APAF1: variants seen among roughly 807,000 people sequenced by gnomAD.
APAF1 encodes apoptotic peptidase activating factor 1, also known as apoptotic protease-activating factor 1.
In APAF1, 91 loss-of-function variants were observed where a neutral mutation model predicts 152.4. The ratio of observed to expected loss-of-function variants is 0.60; its 90% CI spans 0.50 to 0.71. The LOEUF is 0.71. Among genes scored for constraint, APAF1 ranks in the 30% least tolerant of loss-of-function variants. The pLI is 0.00. For missense variants in APAF1, 1,283 were observed against 1,472.0 expected (o/e 0.87, Z 2.10); for synonymous variants, 484 against 494.1 (o/e 0.98, Z 0.27).
intron 7 of APAF1, among the ~76,000 whole-genome samples, chr12:98,663,595 A>G (rs938806679): frequency 2.0e-5 from 3 of 152,084 alleles, no homozygotes; most frequent in East Asian, 1.9e-4. Flanking sequence ...AGTCAAATCT[A>G]TCAACTCTTA....
At chr12:98,707,056 GTCT>G (rs1240943369) in intron 19 of APAF1, among the ~76,000 whole-genome samples, 4 of 151,998 alleles carry the variant, frequency 2.6e-5, no homozygotes, top group Non-Finnish European at 2.9e-5. Flanking sequence ...TCTGCCACAA[GTCT>G]TCTTTCTTGC....
In APAF1 at chr12:98,725,548, G is replaced by T. The variant is rs753009072; in HGVS notation, c.3456+8G>T. The T allele has an allele frequency of 2.5e-6, 4 of 1,614,060 alleles. No homozygotes were observed. The highest frequency in any genetic ancestry group is 1.7e-5 in the Admixed American group (1 of 60,028). ...GACAATGGAGAAATCAGGGTAGGCTGTTTGCTGACATGAGAGCACTGCTCT... is the reference window on the plus strand; with the variant it reads ...GACAATGGAGAAATCAGGGTAGGCTTTTTGCTGACATGAGAGCACTGCTCT... On this transcript the variant is annotated splice_region_variant and intron_variant, in intron 25 of 26. Coordinates refer to ENST00000551964, the MANE Select transcript of APAF1 (RefSeq NM_181861.2).
At chr12:98,657,644 A>T (rs2097659442) in intron 4 of APAF1, among the ~76,000 whole-genome samples, 1 of 152,224 alleles carries the variant, frequency 6.6e-6, no homozygotes, top group East Asian at 1.9e-4. Context: ...ATAGTAGGTT[A>T]AGGTGGGTTG....
chr12:98,688,780 T>C (rs1279430339), intron 16 of APAF1, among the ~76,000 whole-genome samples: 2 of 151,866 alleles, frequency 1.3e-5, no homozygotes, highest in Non-Finnish European at 2.9e-5. Context: ...TTCTTTTTTC[T>C]TTTCTTTTCT....
chr12:98,714,203 A>T (rs1305468050), intron 21 of APAF1, among the ~76,000 whole-genome samples: 1 of 152,188 alleles, frequency 6.6e-6, no homozygotes, highest in African/African-American at 2.4e-5. Flanking sequence ...TTTACCATCT[A>T]TCTTAAAATA....
At chr12:98,702,841 C>CAA (rs201068873) in intron 17 of APAF1, among the ~76,000 whole-genome samples, 162 of 81,108 alleles carry the variant, frequency 2.0e-3, no homozygotes, top group Middle Eastern at 0.018. Context: ...AAGTCTGTCT[C>CAA]AAAAAAAAAA....
chr12:98,657,825 C>G (rs960084888), intron 4 of APAF1, among the ~76,000 whole-genome samples: 2 of 152,096 alleles, frequency 1.3e-5, no homozygotes, highest in Non-Finnish European at 2.9e-5. Context: ...TCCTCATTTT[C>G]AAAATGAAGA....
chr12:98,715,235 CATATATATATATATATATATAT>C lies in APAF1; in HGVS notation c.2959-167_2959-146del, dbSNP rs61430351. ...TTTGCATGTAGGCATACATGGTGTG[CATATATATATATATATATATAT>C]ATATATATATATATATATATATATG... On this transcript the variant is annotated intron_variant, in intron 21 of 26. Coordinates refer to ENST00000551964, the MANE Select transcript of APAF1 (RefSeq NM_181861.2). Among the ~76,000 whole-genome samples, 165 of 54,800 alleles carry C rather than the reference CATATATATATATATATATATAT, an allele frequency of 3.0e-3. 2 individuals carry two copies. Among genetic ancestry groups the C allele is most frequent in the Middle Eastern group, 0.013 (1 of 78 alleles). 36.0% of individuals were successfully genotyped at this position (54,800 alleles called of 152,430 possible).
chr12:98,673,994 T>TTA (rs2097683791), intron 12 of APAF1, among the ~76,000 whole-genome samples: 1 of 151,922 alleles, frequency 6.6e-6, no homozygotes, highest in Non-Finnish European at 1.5e-5. Flanking sequence ...TTTTTGTTGG[T>TTA]TTTATTTATT....
intron 9 of APAF1, among the ~76,000 whole-genome samples, chr12:98,666,810 A>G (rs1188065675): frequency 6.6e-6 from 1 of 151,994 alleles, no homozygotes; most frequent in Non-Finnish European, 1.5e-5. Flanking sequence ...ATGATGTTGT[A>G]TCTTTCTCAG....
Position 98,679,883 on chromosome 12 carries a change from C to T in APAF1, c.1921-394C>T, listed in dbSNP as rs140746213. On this transcript the variant is annotated intron_variant, in intron 13 of 26. Coordinates refer to ENST00000551964, the MANE Select transcript of APAF1 (RefSeq NM_181861.2). ...CACTCACACACGCCTCGCTGTTCCA[C>T]GCCTGACTCGCCCTTGGCAGGCTTG... is the stretch of plus-strand genomic sequence containing the variant. Among the ~76,000 whole-genome samples, 45 of 152,394 alleles carry T rather than the reference C, an allele frequency of 3.0e-4. No individual in the cohort carries two copies. In the East Asian group the frequency reaches 6.9e-3, roughly 23 times the overall value.
intron 12 of APAF1, among the ~76,000 whole-genome samples, chr12:98,673,567 A>G (rs973183373): frequency 5.3e-5 from 8 of 152,128 alleles, no homozygotes; most frequent in Admixed American, 5.2e-4. Flanking sequence ...TTTCATATGT[A>G]TAATTTATAT....
intron 12 of APAF1, among the ~76,000 whole-genome samples, chr12:98,673,404 C>T (rs973217187): frequency 6.7e-6 from 1 of 150,036 alleles, no homozygotes; most frequent in African/African-American, 2.5e-5. Flanking sequence ...CCACTGCACT[C>T]CAGCCTGGGC....
intron 16 of APAF1, among the ~76,000 whole-genome samples, chr12:98,688,634 CG>C (rs1405983751): frequency 1.6e-5 from 2 of 124,302 alleles, no homozygotes; most frequent in South Asian, 5.7e-4. Flanking sequence ...TCACACCTGG[CG>C]AAATTTTTTT....
chr12:98,712,447 T>C lies in APAF1; in HGVS notation c.2958+12T>C. 5 of 1,359,792 alleles carry C rather than the reference T, an allele frequency of 3.7e-6. No homozygotes were observed. The highest frequency in any genetic ancestry group is 1.2e-5 in the South Asian group (1 of 86,054). 84.2% of individuals were successfully genotyped at this position (1,359,792 alleles called of 1,614,324 possible). A position where few individuals can be genotyped will look rare whatever the true frequency, so the allele number is the denominator to read the frequency against. ...ATGGAGCCATTGAGGTATTCAGTGC[T>C]AGTCTTCAGAATCTTTCTGTACAGA... On this transcript the variant is annotated intron_variant, in intron 21 of 26. Coordinates refer to ENST00000551964, the MANE Select transcript of APAF1 (RefSeq NM_181861.2).
Position 98,715,542 on chromosome 12 carries a change from C to T in APAF1, c.3074C>T (p.Ala1025Val), listed in dbSNP as rs77127123. The change falls in exon 22 of 27, where the codon GCT becomes GTT. Residue 1025 changes from alanine to valine, a missense_variant. Transcript: ENST00000551964. ...ACTCTTATTTCAAGTTCTGATGATG[C>T]TGAAATTCAGGTGAGAGGGAGGATG... ...EKTLISSSDD[A>V]EIQVWNWQLD... The T allele has an allele frequency of 3.3e-5, 54 of 1,613,348 alleles. No homozygotes were observed. Among genetic ancestry groups the T allele is most frequent in the Non-Finnish European group, 4.4e-5 (52 of 1,179,714 alleles).
rs1381010802 is a variant in APAF1, at chr12:98,648,312, G to C, written c.-41-7G>C. On this transcript the variant is annotated splice_region_variant and splice_polypyrimidine_tract_variant and intron_variant, in intron 1 of 26. Coordinates refer to ENST00000551964, the MANE Select transcript of APAF1 (RefSeq NM_181861.2). ...GCCTGACAAATATTTTGGTGTTTTG[G>C]CTGTAGCTCATGGTTGACAGCTCAG... 1 of 1,611,190 alleles carries C rather than the reference G, an allele frequency of 6.2e-7. No individual in the cohort carries two copies. The highest frequency in any genetic ancestry group is 1.1e-5 in the South Asian group (1 of 90,734).
chr12:98,648,190 C>A, intron 1 of APAF1, 129 bp from the exon 2 acceptor site: 1 of 791,010 alleles, frequency 1.3e-6, no homozygotes. Context: ...TGGGTTTTGT[C>A]CATTTAAAAA....
intron 17 of APAF1, among the ~76,000 whole-genome samples, chr12:98,701,390 ATTCT>A (rs1431454707): frequency 1.3e-5 from 2 of 152,128 alleles, no homozygotes; most frequent in African/African-American, 4.8e-5. Flanking sequence ...TCATATGGTA[ATTCT>A]TTATTTATTT....
Sources: allele counts gnomAD v4.1 joint callset (sites outside exome capture counted in the v4.1 genomes callset), GRCh38; gene constraint gnomAD v4.1.1; transcripts MANE v1.5; gene names NCBI Gene and HGNC (gene_info 2026-07-23, HGNC 2026-07-21).